The following PDE3A variants were observed in gnomAD, a reference collection of about 807,000 sequenced individuals.
The protein encoded by PDE3A is phosphodiesterase 3A, also known as cGMP-inhibited 3',5'-cyclic phosphodiesterase 3A.
PDE3A carries 43 observed loss-of-function variants against 98.3 expected under a neutral mutation model. The observed-to-expected ratio is 0.44, with a 90% CI of 0.34 to 0.56. The LOEUF is 0.56. Among genes scored for constraint, PDE3A ranks in the 20% least tolerant of loss-of-function variants. The pLI is 0.01. For synonymous variants in PDE3A, 663 were observed against 567.9 expected (o/e 1.17, Z -2.38); for missense variants, 1,427 against 1,440.7 (o/e 0.99, Z 0.15).
At chr12:20,593,141 G>A (rs1286776351) in intron 2 of PDE3A, among the ~76,000 whole-genome samples, 1 of 152,158 alleles carries the variant, frequency 6.6e-6, no homozygotes, top group African/African-American at 2.4e-5. Context: ...AAGCTGGAAT[G>A]TTTTTATATA....
chr12:20,451,895 C>G (rs891065574), intron 1 of PDE3A, among the ~76,000 whole-genome samples: 1 of 152,174 alleles, frequency 6.6e-6, no homozygotes, highest in East Asian at 1.9e-4. Context: ...ATCCTTTCAT[C>G]TTGTGTGGGA....
chr12:20,377,528 G>A (rs1372511286), intron 1 of PDE3A, among the ~76,000 whole-genome samples: 2 of 151,666 alleles, frequency 1.3e-5, no homozygotes, highest in Non-Finnish European at 1.5e-5. Context: ...GGACAGTGCA[G>A]CTCTATATTT....
chr12:20,619,817 A>G (rs1409050679), intron 4 of PDE3A, among the ~76,000 whole-genome samples: 2 of 152,094 alleles, frequency 1.3e-5, no homozygotes, highest in Non-Finnish European at 2.9e-5. Flanking sequence ...TGAAGTTTTA[A>G]AATACCTGGG....
intron 1 of PDE3A, among the ~76,000 whole-genome samples, chr12:20,417,891 G>A (rs1393633363): frequency 6.6e-6 from 1 of 152,126 alleles, no homozygotes; most frequent in Non-Finnish European, 1.5e-5. Context: ...TAAATGTTAT[G>A]TATTTACAGT....
chr12:20,537,757 C>T (rs1479417806), intron 1 of PDE3A, among the ~76,000 whole-genome samples: 2 of 151,436 alleles, frequency 1.3e-5, no homozygotes, highest in Non-Finnish European at 2.9e-5. Context: ...GCTATTAAAC[C>T]CAAGTTCTGT....
rs1051378203 is a variant in PDE3A, at chr12:20,552,439, A to G, written c.961-4221A>G. On this transcript the variant is annotated intron_variant, in intron 1 of 15. Transcript: ENST00000359062. The surrounding 1 kb of genome is among the most constrained non-coding windows in gnomAD (Gnocchi z 5.1). ...GGACCGGATCAAGAAGCTGGGGCTG[A>G]CCATGCAGTATCCAGAAGGCTACCT... 1 of 1,612,696 alleles carries G rather than the reference A, an allele frequency of 6.2e-7. No homozygotes were observed. The highest frequency in any genetic ancestry group is 1.3e-5 in the African/African-American group (1 of 74,866).
intron 2 of PDE3A, among the ~76,000 whole-genome samples, chr12:20,566,450 A>G (rs970711874): frequency 1.3e-5 from 2 of 151,932 alleles, no homozygotes; most frequent in African/African-American, 4.8e-5. Flanking sequence ...TTGTTTTCAA[A>G]TCATTTTAAC....
At chr12:20,556,780 T>G in intron 2 of PDE3A, 70 bp downstream of exon 2, 1 of 1,099,820 alleles carries the variant, frequency 9.1e-7, no homozygotes, top group South Asian at 1.3e-5. Flanking sequence ...TTTCTAAAAC[T>G]CAAGAGATAA....
chr12:20,613,774 A>C, intron 3 of PDE3A, 74 bp downstream of exon 3: 1 of 1,120,610 alleles, frequency 8.9e-7, no homozygotes. Context: ...CCTTCCTGTC[A>C]CCTCAACTCC....
chr12:20,560,505 T>G (rs1942486584), intron 2 of PDE3A, among the ~76,000 whole-genome samples: 1 of 152,112 alleles, frequency 6.6e-6, no homozygotes, highest in South Asian at 2.1e-4. Context: ...CAAAAAACAG[T>G]TTTGAGAAAG....
intron 1 of PDE3A, among the ~76,000 whole-genome samples, chr12:20,481,347 C>T (rs1373362405): frequency 6.6e-6 from 1 of 152,130 alleles, no homozygotes. Context: ...GAATGAATGT[C>T]TGAATAATGA....
intron 15 of PDE3A, among the ~76,000 whole-genome samples, chr12:20,655,645 A>G (rs990861123): frequency 1.3e-5 from 2 of 152,244 alleles, no homozygotes; most frequent in Admixed American, 6.5e-5. Flanking sequence ...AGCCTGGACA[A>G]GCTTGGAAGG....
intron 1 of PDE3A, among the ~76,000 whole-genome samples, chr12:20,382,032 A>G (rs1219468322): frequency 6.6e-6 from 1 of 151,926 alleles, no homozygotes; most frequent in Non-Finnish European, 1.5e-5. Context: ...TCACCTACAT[A>G]TAATTACATA....
Position 20,524,662 on chromosome 12 carries a change from G to C in PDE3A, c.961-31998G>C, listed in dbSNP as rs145276659. ...TTTTATATATAGCTATATATCTTAT[G>C]TATGTTATTTTTACTATAAGAATAA... On this transcript the variant is annotated intron_variant, in intron 1 of 15. Coordinates refer to ENST00000359062, the MANE Select transcript of PDE3A (RefSeq NM_000921.5). Among the ~76,000 whole-genome samples the C allele has an allele frequency of 4.0e-4, 61 of 151,686 alleles. No individual in the cohort carries two copies. The East Asian group carries it at 0.01, about 25-fold the overall frequency.
intron 2 of PDE3A, among the ~76,000 whole-genome samples, chr12:20,590,935 G>A (rs775044940): frequency 6.6e-6 from 1 of 152,172 alleles, no homozygotes; most frequent in African/African-American, 2.4e-5. Context: ...CACTTTGCAC[G>A]TCCTAGCTCC....
intron 1 of PDE3A, among the ~76,000 whole-genome samples, chr12:20,382,602 A>G (rs1187652356): frequency 6.6e-6 from 1 of 151,982 alleles, no homozygotes; most frequent in Non-Finnish European, 1.5e-5. Context: ...ATTGCTATAC[A>G]AATGTTAAAT....
At chr12:20,585,145 C>T (rs1314262579) in intron 2 of PDE3A, among the ~76,000 whole-genome samples, 2 of 152,156 alleles carry the variant, frequency 1.3e-5, no homozygotes, top group Non-Finnish European at 2.9e-5. Flanking sequence ...GTGCACAGCT[C>T]ATAAAAAACA....
intron 1 of PDE3A, among the ~76,000 whole-genome samples, chr12:20,521,443 G>T (rs1288199483): frequency 1.3e-5 from 2 of 152,132 alleles, no homozygotes; most frequent in African/African-American, 4.8e-5. Flanking sequence ...TGAATACTCA[G>T]TTGTGAATTA....
At chr12:20,449,709 T>TA in intron 1 of PDE3A, 1 of 470,918 alleles carries the variant, frequency 2.1e-6, no homozygotes, top group Non-Finnish European at 3.9e-6. Flanking sequence ...TTACAGTCCT[T>TA]AGAGTATTAT....
Sources: allele counts gnomAD v4.1 joint callset (sites outside exome capture counted in the v4.1 genomes callset), GRCh38; gene constraint gnomAD v4.1.1; non-coding constraint Gnocchi (gnomAD v3.1); transcripts MANE v1.5; gene names NCBI Gene and HGNC (gene_info 2026-07-23, HGNC 2026-07-21).